Variants in MUC6 observed in about 807,000 individuals in gnomAD.
MUC6 encodes the protein mucin 6, oligomeric mucus/gel-forming (gene/pseudogene).
A neutral mutation model predicts 201.5 loss-of-function variants in MUC6; 188 were observed. The ratio of observed to expected loss-of-function variants is 0.93; its 90% CI spans 0.83 to 1.05. The LOEUF (loss-of-function observed/expected upper bound fraction) is 1.05, where lower values mean the gene tolerates loss of function less well. MUC6 is among the 50% of genes least tolerant of loss of function. The pLI, the probability that MUC6 is intolerant of heterozygous loss-of-function variation, is 0.00. For synonymous variants in MUC6, 1,228 were observed against 1,389.4 expected (o/e 0.88, Z 2.58); for missense variants, 2,706 against 3,256.9 (o/e 0.83, Z 4.12).
At chr11:1,014,965 T>G (rs1856567789) in intron 31 of MUC6, among the ~76,000 whole-genome samples, 1 of 152,246 alleles carries the variant, frequency 6.6e-6, no homozygotes, top group Admixed American at 6.5e-5. Flanking sequence ...TTCCCTCAGC[T>G]TGCAGCAACG....
At chr11:1,025,566 G>C (rs1856936343) in intron 22 of MUC6, among the ~76,000 whole-genome samples, 199 bp from the exon 23 acceptor site, 1 of 152,208 alleles carries the variant, frequency 6.6e-6, no homozygotes, top group South Asian at 2.1e-4. Context: ...GGGCTTCCTG[G>C]AGAGTCCCTC....
rs377671060 is a variant in MUC6 at position 1,029,611 on chromosome 11, C to T, written c.1020G>A (p.Thr340=). ...GGTTATTGGAGAGGTCATTCAGGAC[C>T]GTACCTGCAGGAGAGGGTCTTCTTG... ...CTFGCFCPEG[T]VLNDLSNNHT... The change falls in exon 9 of 33, where the codon ACG becomes ACA. Residue 340 remains threonine, a synonymous_variant. Coordinates refer to ENST00000421673, the MANE Select transcript of MUC6 (RefSeq NM_005961.3). The T allele has an allele frequency of 2.5e-5, 40 of 1,583,970 alleles. No homozygotes were observed. The highest frequency in any genetic ancestry group is 5.4e-5 in the African/African-American group (4 of 74,336).
chr11:1,028,045 T>A lies in MUC6; in HGVS notation c.1768A>T (p.Thr590Ser), dbSNP rs1857007475. ...MSQLNKVCAE[T>S]HCSMLLRTGT... ...GTCCTCAGCAGCATGGAGCAGTGGG[T>A]CTCTGCACACACCTCTGGGGATGAC... The change falls in exon 15 of 33, where the codon ACC (threonine) becomes TCC (serine). Residue 590 changes from threonine (T) to serine (S), a missense_variant. Thr to Ser is a moderately conservative substitution (Grantham distance 58). Coordinates refer to ENST00000421673, the MANE Select transcript of MUC6 (RefSeq NM_005961.3). 1 of 1,577,490 alleles carries A rather than the reference T, an allele frequency of 6.3e-7. No homozygotes were observed. Among genetic ancestry groups the A allele is most frequent in the African/African-American group, 1.4e-5 (1 of 73,902 alleles).
intron 24 of MUC6, among the ~76,000 whole-genome samples, chr11:1,024,322 C>T (rs1026014755): frequency 5.3e-5 from 8 of 152,216 alleles, no homozygotes; most frequent in African/African-American, 1.9e-4. Context: ...GCCTTGAGAC[C>T]CGCCATCGGG....
In MUC6 at chr11:1,031,234, C is replaced by T. The variant is rs748603615; in HGVS notation, c.509G>A (p.Gly170Asp). The T allele has an allele frequency of 1.3e-5, 21 of 1,582,884 alleles. No individual in the cohort carries two copies. The highest frequency in any genetic ancestry group is 1.6e-5 in the Non-Finnish European group (19 of 1,165,312). ...LMVLVERKYM[G>D]QMCGLCGNFD... ...GTTCCCGCAGAGCCCGCACATCTGA[C>T]CCATGTACTTCCGCTCCACCAGAAC... The change falls in exon 5 of 33, where the codon GGT becomes GAT. Residue 170 changes from glycine (G) to aspartate (D), a missense_variant. Physicochemically the swap from Gly to Asp is moderately conservative, Grantham distance 94. Around this residue, in one of 10 missense-constraint regions of MUC6, gnomAD observed 1,850 missense variants for 1,958.3 expected, o/e 0.94. Transcript: ENST00000421673.
intron 27 of MUC6, 32 bp downstream of exon 27, chr11:1,021,183 G>T (rs191637858): frequency 2.0e-6 from 3 of 1,537,258 alleles, no homozygotes; most frequent in Non-Finnish European, 2.6e-6. Flanking sequence ...GCAGGCAGGG[G>T]CAGGGTTCTC....
chr11:1,019,896 A>G (rs926314608), intron 29 of MUC6, 194 bp downstream of exon 29: 16 of 777,334 alleles, frequency 2.1e-5, no homozygotes, highest in Non-Finnish European at 3.3e-5. Flanking sequence ...GCCCCATGCC[A>G]TGACCAGCTT....
In MUC6 at chr11:1,025,274, C is replaced by G. The variant is rs1856927920; in HGVS notation, c.2893G>C (p.Val965Leu). ...CTCCCGGGGATGCTGATGTCCACGA[C>G]AAGGCTCAGCGCACCCGGCGTCACC... Reference protein sequence around the residue: ...LGVTPGALSLVVDISIPGRYN... With the variant: ...LGVTPGALSLLVDISIPGRYN... Residue 965 changes from valine (V) to leucine (L), a missense_variant, in exon 23 of 33, where the codon GTC (valine) becomes CTC (leucine). Transcript: ENST00000421673. The G allele has an allele frequency of 1.2e-6, 2 of 1,612,834 alleles. No homozygotes were observed. Among genetic ancestry groups the G allele is most frequent in the Non-Finnish European group, 1.7e-6 (2 of 1,179,868 alleles).
At chr11:1,015,664 G>T (rs1856586025) in intron 31 of MUC6, 98 bp downstream of exon 31, 1 of 1,478,828 alleles carries the variant, frequency 6.8e-7, no homozygotes, top group Non-Finnish European at 9.0e-7. Context: ...GTGGTCCTGG[G>T]ATCACAGGAC....
At chr11:1,023,486 G>C (rs753047049) in intron 26 of MUC6, 23 bp downstream of exon 26, 3 of 1,556,584 alleles carry the variant, frequency 1.9e-6, no homozygotes, top group Admixed American at 1.9e-5. Context: ...GTGTATCTGC[G>C]TTGCCTCCCG....
At position 1,015,976 on chromosome 11, in the gene MUC6, A is replaced by G; in HGVS notation, c.6825T>C (p.Ser2275=). The part of the protein sequence containing the change: ...SSQSTTSRST[S]LTTRVPTSGF... ...CTGATGTGGGAACTCGGGTGGTGAG[A>G]GAAGTGGACCGCGAGGTGGTGGACT... Residue 2275 remains serine, a synonymous_variant, in exon 31 of 33, where the codon TCT becomes TCC. Transcript: ENST00000421673. 6.3e-7 allele frequency: 1 copy of G among 1,595,364 alleles called. No homozygotes were observed.
At chr11:1,019,629 T>C in intron 29 of MUC6, 133 bp from the exon 30 acceptor site, 2 of 805,656 alleles carry the variant, frequency 2.5e-6, no homozygotes, top group Non-Finnish European at 4.1e-6. Context: ...GAGGGGCTCT[T>C]CCTCTTGCCT....
Position 1,020,741 on chromosome 11 carries a change from G to C in MUC6, c.3590-7C>G. On this transcript the variant is annotated splice_polypyrimidine_tract_variant and splice_region_variant and intron_variant, in intron 27 of 32. Coordinates refer to ENST00000421673, the MANE Select transcript of MUC6 (RefSeq NM_005961.3). The stretch of plus-strand genomic sequence containing the variant: ...TGCGGCGTGGTGGGCGGCACTGCAA[G>C]AAGATGGGGTCAGCTCCCTGTGGTT... The C allele has an allele frequency of 6.2e-7, 1 of 1,612,404 alleles. No individual in the cohort carries two copies. The highest frequency in any genetic ancestry group is 1.3e-5 in the African/African-American group (1 of 75,058).
chr11:1,018,486 G>T lies in MUC6; in HGVS notation c.4315C>A (p.Pro1439Thr), dbSNP rs200823110. The T allele has an allele frequency of 3.0e-4, 488 of 1,602,868 alleles. No homozygotes were observed. In the African/African-American group the frequency reaches 6.0e-3, roughly 20 times the overall value. ...ATTTYPTPSH[P>T]ETTLPTHVPP... ...ACGTGAGTGGGAAGTGTGGTCTCAGGGTGTGATGGGGTTGGATAGGTAGTG... is the reference window on the plus strand; with the variant it reads ...ACGTGAGTGGGAAGTGTGGTCTCAGTGTGTGATGGGGTTGGATAGGTAGTG... Residue 1439 changes from proline to threonine, a missense_variant, in exon 31 of 33, where the codon CCT (proline) becomes ACT (threonine). By Grantham distance (38) the Pro-to-Thr change is conservative. This residue lies in a region of MUC6 where 128 missense variants were observed against 206.5 expected (regional missense o/e 0.62). Transcript: ENST00000421673.
chr11:1,013,446 A>G lies in MUC6; in HGVS notation c.*10T>C. On this transcript the variant is annotated 3_prime_UTR_variant, in exon 33 of 33. Coordinates refer to ENST00000421673, the MANE Select transcript of MUC6 (RefSeq NM_005961.3). ...GTCCTTCAGCCCCAGGAGAGCAGGC[A>G]GCGACCCTGCTAGTCTCCACAGGCC... 6.4e-7 allele frequency: 1 copy of G among 1,567,732 alleles called. No individual in the cohort carries two copies.
At position 1,017,644 on chromosome 11, in the gene MUC6, G is replaced by C; in HGVS notation, c.5157C>G (p.Thr1719=). Residue 1719 remains threonine (T), a synonymous_variant, in exon 31 of 33, where the codon ACC becomes ACG. Transcript: ENST00000421673. ...CTGTCATTGGTGGGGTTCCTGTACT[G>C]GTGGGGTTGGGGGTGATGTTGGTGG... ...TSTTNITPNP[T]STGTPPMTVT... is the part of the protein sequence containing the mutation. The C allele has an allele frequency of 6.6e-7, 1 of 1,507,258 alleles. No homozygotes were observed. The highest frequency in any genetic ancestry group is 1.3e-5 in the South Asian group (1 of 75,198). 93.4% of individuals were successfully genotyped at this position (1,507,258 alleles called of 1,614,324 possible).
At chr11:1,025,486 G>A in intron 22 of MUC6, 119 bp from the exon 23 acceptor site, 4 of 1,246,434 alleles carry the variant, frequency 3.2e-6, no homozygotes, top group Non-Finnish European at 4.4e-6. Context: ...ATGCACAGGA[G>A]CGCCTGCTGA....
intron 31 of MUC6, 53 bp downstream of exon 31, chr11:1,015,709 A>C: frequency 1.3e-6 from 2 of 1,500,728 alleles, no homozygotes; most frequent in Non-Finnish European, 1.8e-6. Context: ...GCTGCCTGGG[A>C]GTCATGAGCA....
chr11:1,029,433 C>CCTG, intron 9 of MUC6, 62 bp downstream of exon 9: 1 of 1,601,128 alleles, frequency 6.2e-7, no homozygotes. Flanking sequence ...CACACCCCTG[C>CCTG]CTGCCCTAGG....
Sources: allele counts gnomAD v4.1 joint callset (sites outside exome capture counted in the v4.1 genomes callset), GRCh38; gene constraint gnomAD v4.1.1; regional missense constraint gnomAD v4.1.1; transcripts MANE v1.5; gene names NCBI Gene and HGNC (gene_info 2026-07-23, HGNC 2026-07-21).